SRD5A2: variants seen among roughly 807,000 people sequenced by gnomAD.
SRD5A2 encodes the protein 3-oxo-5-alpha-steroid 4-dehydrogenase 2.
A neutral mutation model predicts 27.4 loss-of-function variants in SRD5A2; 30 were observed. The ratio of observed to expected loss-of-function variants is 1.10; its 90% CI spans 0.82 to 1.49. The LOEUF (loss-of-function observed/expected upper bound fraction) is 1.49, where lower values mean the gene tolerates loss of function less well. SRD5A2 is among the 40% of genes most tolerant of loss of function. The pLI is 0.00. For synonymous variants in SRD5A2, 141 were observed against 133.6 expected, an observed-to-expected ratio of 1.06 and a Z score of -0.38; for missense variants, 348 against 323.4, an observed-to-expected ratio of 1.08 and a Z score of -0.58.
chr2:31,642,631 A>G, the SRD5A2 span, among the ~76,000 whole-genome samples: 1 of 152,020 alleles, frequency 6.6e-6, no homozygotes, highest in African/African-American at 2.4e-5. Context: ...GTTAAAATAC[A>G]CCTACTTTAT....
At chr2:31,613,742 G>T in the SRD5A2 span, among the ~76,000 whole-genome samples, 1 of 152,094 alleles carries the variant, frequency 6.6e-6, no homozygotes, top group Non-Finnish European at 1.5e-5. Context: ...AGAAAAAGAG[G>T]CTTAATGGAC....
chr2:31,530,814 T>A (rs1403928288), intron 3 of SRD5A2, among the ~76,000 whole-genome samples: 1 of 152,206 alleles, frequency 6.6e-6, no homozygotes, highest in Non-Finnish European at 1.5e-5. Flanking sequence ...CAGTTAGGAT[T>A]ACAAACATGC....
chr2:31,630,323 G>A, the SRD5A2 span, among the ~76,000 whole-genome samples: 2 of 152,118 alleles, frequency 1.3e-5, no homozygotes, highest in African/African-American at 4.8e-5. Context: ...GAGAGAGAGA[G>A]AGAAAAGAGA....
the SRD5A2 span, among the ~76,000 whole-genome samples, chr2:31,645,794 A>G: frequency 1.3e-4 from 20 of 152,078 alleles, no homozygotes; most frequent in Non-Finnish European, 2.5e-4. Flanking sequence ...ATATTGAATG[A>G]AAGAGTAAAT....
chr2:31,629,221 C>T, the SRD5A2 span, among the ~76,000 whole-genome samples: 104 of 152,208 alleles, frequency 6.8e-4, no homozygotes, highest in Middle Eastern at 6.8e-3. Context: ...CCCATGGCTT[C>T]TAATAGAGCT....
At chr2:31,631,237 G>A in the SRD5A2 span, among the ~76,000 whole-genome samples, 83 of 152,254 alleles carry the variant, frequency 5.5e-4, no homozygotes, top group Middle Eastern at 3.4e-3. Context: ...ACGTTGGGCA[G>A]GCTAGTAAAG....
chr2:31,659,358 A>G, the SRD5A2 span, among the ~76,000 whole-genome samples: 1 of 152,150 alleles, frequency 6.6e-6, no homozygotes, highest in Non-Finnish European at 1.5e-5. Flanking sequence ...AAAGAAATAA[A>G]AGGCATCCAG....
the SRD5A2 span, among the ~76,000 whole-genome samples, chr2:31,644,981 T>C: frequency 1.3e-5 from 2 of 152,238 alleles, no homozygotes; most frequent in African/African-American, 4.8e-5. Context: ...TTAATGTGTT[T>C]AGTTGTTAAC....
At chr2:31,546,933 C>A (rs892989375) in intron 1 of SRD5A2, among the ~76,000 whole-genome samples, 38 of 152,042 alleles carry the variant, frequency 2.5e-4, no homozygotes, top group South Asian at 6.2e-4. Context: ...CCTGTCTCTA[C>A]TAAAAATACA....
At chr2:31,652,329 G>T in the SRD5A2 span, among the ~76,000 whole-genome samples, 4 of 152,140 alleles carry the variant, frequency 2.6e-5, no homozygotes, top group African/African-American at 9.7e-5. Flanking sequence ...TGGGAAATAG[G>T]CAGATTTTTA....
chr2:31,578,926 T>C (rs1667014244), intron 1 of SRD5A2, among the ~76,000 whole-genome samples: 1 of 152,240 alleles, frequency 6.6e-6, no homozygotes, highest in Non-Finnish European at 1.5e-5. Context: ...ATATTGCTTA[T>C]GTTGCCAACA....
chr2:31,560,718 A>T (rs888103787), intron 1 of SRD5A2, among the ~76,000 whole-genome samples: 10 of 150,910 alleles, frequency 6.6e-5, no homozygotes, highest in Admixed American at 2.0e-4. Context: ...TGTTCCTTTT[A>T]TGCACCTGCT....
chr2:31,582,195 G>C (rs1263483840), upstream of SRD5A2, among the ~76,000 whole-genome samples: 2 of 151,996 alleles, frequency 1.3e-5, no homozygotes, highest in Non-Finnish European at 2.9e-5. Context: ...TACTTTGGAG[G>C]TCTCTTCTCT....
chr2:31,648,896 C>T, the SRD5A2 span, among the ~76,000 whole-genome samples: 2 of 152,300 alleles, frequency 1.3e-5, no homozygotes, highest in Non-Finnish European at 1.5e-5. Context: ...GACGGTTCTA[C>T]GTGCTTCAGT....
the SRD5A2 span, among the ~76,000 whole-genome samples, chr2:31,649,761 G>A: frequency 6.6e-6 from 1 of 152,052 alleles, no homozygotes. Flanking sequence ...ACTGTCCCTG[G>A]AAGTTTTGTC....
At chr2:31,610,426 T>C in the SRD5A2 span, among the ~76,000 whole-genome samples, 4 of 152,136 alleles carry the variant, frequency 2.6e-5, no homozygotes, top group Admixed American at 6.6e-5. Flanking sequence ...AAGAATTTGA[T>C]AAAAATTCAA....
intron 1 of SRD5A2, among the ~76,000 whole-genome samples, chr2:31,569,120 G>T (rs538916485): frequency 7.5e-4 from 114 of 152,366 alleles, no homozygotes; most frequent in South Asian, 2.1e-3. Flanking sequence ...ACTTGGTAGG[G>T]GATGGGGCTC....
the SRD5A2 span, among the ~76,000 whole-genome samples, chr2:31,612,218 C>A: frequency 6.6e-6 from 1 of 151,496 alleles, no homozygotes; most frequent in Non-Finnish European, 1.5e-5. Flanking sequence ...GAGGCAGAGT[C>A]TGCAGTGAGC....
chr2:31,630,593 T>C, the SRD5A2 span, among the ~76,000 whole-genome samples: 3 of 152,152 alleles, frequency 2.0e-5, no homozygotes, highest in South Asian at 2.1e-4. Flanking sequence ...CCCAAATGCA[T>C]TCAATCTGTA....
Sources: allele counts gnomAD v4.1 joint callset (sites outside exome capture counted in the v4.1 genomes callset), GRCh38; gene constraint gnomAD v4.1.1; transcripts MANE v1.5; gene names NCBI Gene and HGNC (gene_info 2026-07-23, HGNC 2026-07-21).